The following CTIF variants were observed in gnomAD, a reference collection of about 807,000 sequenced individuals.
CTIF encodes the protein CBP80/20-dependent translation initiation factor.
Under a neutral mutation model 66.0 loss-of-function variants are expected in CTIF, and 21 were observed. That is an observed-to-expected ratio of 0.32 (90% CI 0.23 to 0.46). CTIF has a LOEUF of 0.46. CTIF is among the 20% of genes least tolerant of loss of function. The probability of loss-of-function intolerance (pLI) is 1.00; values close to 1 mark genes in which losing one functional copy is unlikely to be tolerated. For synonymous variants in CTIF, 345 were observed against 326.4 expected (o/e 1.06, Z -0.62); for missense variants, 739 against 812.7 (o/e 0.91, Z 1.10).
intron 1 of CTIF, among the ~76,000 whole-genome samples, chr18:48,586,040 T>C (rs1422847461): frequency 1.3e-5 from 2 of 152,196 alleles, no homozygotes; most frequent in African/African-American, 4.8e-5. Flanking sequence ...GCGATGAGGA[T>C]GCCTGTCGCA....
Position 48,820,844 on chromosome 18 carries a change from A to T in CTIF, c.1527+3468A>T, listed in dbSNP as rs147941109. On this transcript the variant is annotated intron_variant, in intron 10 of 11. Transcript: ENST00000256413. ...GGGTGAGGACAAACCCAAGGGATAG[A>T]TGCAAAGTCCTCACCATCCAGCCCG... Among the ~76,000 whole-genome samples, 1,512 of 152,326 alleles carry T rather than the reference A, an allele frequency of 9.9e-3. 12 individuals are homozygous for T. The highest frequency in any genetic ancestry group is 0.014 in the Non-Finnish European group (929 of 68,026).
intron 9 of CTIF, among the ~76,000 whole-genome samples, chr18:48,816,439 T>C (rs1352501004): frequency 2.0e-5 from 3 of 152,204 alleles, no homozygotes; most frequent in African/African-American, 7.2e-5. Context: ...CTGTGTGGTC[T>C]CCACACCTTA....
At chr18:48,711,791 C>A in intron 7 of CTIF, 96 bp downstream of exon 7, 1 of 1,041,062 alleles carries the variant, frequency 9.6e-7, no homozygotes. Flanking sequence ...TTTTCCCAGT[C>A]ACCAGCTGAT....
chr18:48,859,021 G>A (rs2069395922), intron 11 of CTIF, among the ~76,000 whole-genome samples: 1 of 152,206 alleles, frequency 6.6e-6, no homozygotes, highest in Non-Finnish European at 1.5e-5. Flanking sequence ...ATGTAGTCAG[G>A]GAAGGCTTCC....
chr18:48,733,053 G>A (rs565793761), intron 7 of CTIF, among the ~76,000 whole-genome samples: 4 of 152,290 alleles, frequency 2.6e-5, no homozygotes, highest in African/African-American at 9.6e-5. Context: ...GGCATCGGGG[G>A]CCTGGTTGCC....
intron 10 of CTIF, among the ~76,000 whole-genome samples, chr18:48,851,842 T>G (rs2069208718): frequency 6.6e-6 from 1 of 152,158 alleles, no homozygotes; most frequent in Non-Finnish European, 1.5e-5. Context: ...ACCTTCCCCC[T>G]TTCCTGTGAT....
At chr18:48,752,612 C>A (rs1907944558) in intron 7 of CTIF, among the ~76,000 whole-genome samples, 1 of 152,214 alleles carries the variant, frequency 6.6e-6, no homozygotes, top group Admixed American at 6.5e-5. Context: ...ATCCTTACAA[C>A]TGCCCCTCAG....
chr18:48,708,977 C>CGAT lies in CTIF; in HGVS notation c.508-2625_508-2623dup, dbSNP rs113622427. Among the ~76,000 whole-genome samples the CGAT allele has an allele frequency of 7.8e-3, 1,180 of 152,158 alleles. 16 individuals are homozygous for CGAT. Among genetic ancestry groups the CGAT allele is most frequent in the African/African-American group, 0.027 (1,113 of 41,500 alleles). ...AGTGTCAGGATCACAGGAAAGATAA[C>CGAT]GATGATGATGATGATGATGGCATCG... On this transcript the variant is annotated intron_variant, in intron 6 of 11. Coordinates refer to ENST00000256413, the MANE Select transcript of CTIF (RefSeq NM_014772.3).
intron 1 of CTIF, among the ~76,000 whole-genome samples, chr18:48,581,817 C>T (rs751799246): frequency 9.9e-5 from 15 of 152,018 alleles, no homozygotes; most frequent in Admixed American, 5.9e-4. Flanking sequence ...GGACAGCAGA[C>T]GGGAAGGAGT....
intron 2 of CTIF, among the ~76,000 whole-genome samples, chr18:48,623,052 C>A (rs1055989429): frequency 5.3e-5 from 8 of 152,242 alleles, no homozygotes; most frequent in African/African-American, 1.7e-4. Context: ...GCCCTCCCAG[C>A]GCTTTCAGTC....
At chr18:48,605,778 C>T (rs948475209) in intron 1 of CTIF, among the ~76,000 whole-genome samples, 3 of 151,666 alleles carry the variant, frequency 2.0e-5, no homozygotes, top group Non-Finnish European at 4.4e-5. Flanking sequence ...AGCCCACAGT[C>T]CTCCCTTCCG....
chr18:48,587,626 TG>T (rs1156794418), intron 1 of CTIF, among the ~76,000 whole-genome samples: 1 of 152,196 alleles, frequency 6.6e-6, no homozygotes, highest in Non-Finnish European at 1.5e-5. Flanking sequence ...GCCAGCTTTT[TG>T]GGGCCTCACT....
intron 8 of CTIF, among the ~76,000 whole-genome samples, chr18:48,758,918 C>T (rs527286350): frequency 7.2e-4 from 109 of 152,260 alleles, no homozygotes; most frequent in African/African-American, 2.5e-3. Context: ...TCCTGTTTCC[C>T]GCCTTCATCA....
At chr18:48,722,777 C>T (rs997789232) in intron 7 of CTIF, among the ~76,000 whole-genome samples, 8 of 151,974 alleles carry the variant, frequency 5.3e-5, no homozygotes, top group African/African-American at 1.4e-4. Context: ...TGCCCATCGG[C>T]GCTCACAGGT....
At chr18:48,576,046 C>G (rs17829113) in intron 1 of CTIF, among the ~76,000 whole-genome samples, 3,904 of 152,378 alleles carry the variant, frequency 0.026, 67 homozygotes, top group Non-Finnish European at 0.037. Flanking sequence ...CGCCGAAGAA[C>G]AATGCAGGCT....
intron 1 of CTIF, among the ~76,000 whole-genome samples, chr18:48,541,871 T>C (rs914991456): frequency 2.0e-5 from 3 of 151,252 alleles, no homozygotes; most frequent in Admixed American, 1.3e-4. Flanking sequence ...TAGCATTTAT[T>C]AAGAGGGTCC....
At chr18:48,645,860 C>G (rs1481744029) in intron 3 of CTIF, among the ~76,000 whole-genome samples, 1 of 152,214 alleles carries the variant, frequency 6.6e-6, no homozygotes, top group Non-Finnish European at 1.5e-5. Context: ...GCAACCTGGA[C>G]TTCCACTTCC....
chr18:48,796,970 C>T (rs2067934109), intron 9 of CTIF, among the ~76,000 whole-genome samples: 2 of 152,114 alleles, frequency 1.3e-5, no homozygotes, highest in Non-Finnish European at 2.9e-5. Flanking sequence ...GGTGCCCACC[C>T]CAGAGCAAAA....
intron 3 of CTIF, among the ~76,000 whole-genome samples, chr18:48,642,891 C>T (rs998749951): frequency 6.6e-6 from 1 of 152,192 alleles, no homozygotes; most frequent in Non-Finnish European, 1.5e-5. Context: ...CAGTTCAGTG[C>T]TCCAGCCTAG....
Sources: allele counts gnomAD v4.1 joint callset (sites outside exome capture counted in the v4.1 genomes callset), GRCh38; gene constraint gnomAD v4.1.1; transcripts MANE v1.5; gene names NCBI Gene and HGNC (gene_info 2026-07-23, HGNC 2026-07-21).